Variants in ZNF519 observed in about 807,000 individuals in gnomAD.
The protein encoded by ZNF519 is zinc finger protein 519.
ZNF519 carries 7 observed loss-of-function variants against 7.4 expected under a neutral mutation model. The observed-to-expected ratio is 0.94, with a 90% CI of 0.54 to 1.77. The LOEUF is 1.77. Among genes scored for constraint, ZNF519 ranks in the 40% most tolerant of loss-of-function variants. The probability of loss-of-function intolerance (pLI) is 0.00; values close to 1 mark genes in which losing one functional copy is unlikely to be tolerated. For missense variants in ZNF519, 586 were observed against 623.1 expected, an observed-to-expected ratio of 0.94 and a Z score of 0.63; for synonymous variants, 179 against 203.3, an observed-to-expected ratio of 0.88 and a Z score of 1.02.
chr18:14,094,651 T>G (rs1211774071), intron 2 of ZNF519, among the ~76,000 whole-genome samples: 4 of 152,214 alleles, frequency 2.6e-5, no homozygotes, highest in Non-Finnish European at 5.9e-5. Flanking sequence ...TCGATAATCT[T>G]GTTAATGTGC....
chr18:14,123,606 C>T (rs1211963882), intron 2 of ZNF519, among the ~76,000 whole-genome samples: 1 of 152,118 alleles, frequency 6.6e-6, no homozygotes, highest in East Asian at 1.9e-4. Flanking sequence ...GTAGTCTCAG[C>T]TACCCGGGAG....
intron 2 of ZNF519, among the ~76,000 whole-genome samples, chr18:14,114,241 A>G (rs941906501): frequency 1.3e-5 from 2 of 152,122 alleles, no homozygotes; most frequent in African/African-American, 4.8e-5. Flanking sequence ...AGTTTCTACA[A>G]TGTTTTCTTA....
At chr18:14,111,169 TAA>T (rs34240654) in intron 2 of ZNF519, among the ~76,000 whole-genome samples, 11 of 90,806 alleles carry the variant, frequency 1.2e-4, no homozygotes, top group Admixed American at 2.3e-4. Flanking sequence ...AGTTGTTTTC[TAA>T]AAAAAAAAAA....
chr18:14,108,816 C>G (rs750531821), intron 2 of ZNF519, among the ~76,000 whole-genome samples: 2 of 152,104 alleles, frequency 1.3e-5, no homozygotes, highest in Admixed American at 1.3e-4. Flanking sequence ...GAGGGCTGGG[C>G]ACAGTGGCTC....
downstream of ZNF519, among the ~76,000 whole-genome samples, chr18:14,094,967 T>C (rs1262442124): frequency 6.6e-6 from 1 of 152,226 alleles, no homozygotes; most frequent in East Asian, 1.9e-4. Context: ...TGAAGTTCAC[T>C]GAGTTTCCTT....
In ZNF519 at chr18:14,124,435, TGGAGAGAATTC is replaced by T; in HGVS notation, c.34_44del (p.Glu12ArgfsTer15). 1 of 1,612,906 alleles carries T rather than the reference TGGAGAGAATTC, an allele frequency of 6.2e-7. No individual in the cohort carries two copies. The highest frequency in any genetic ancestry group is 8.5e-7 in the Non-Finnish European group (1 of 1,179,704). ...CAGGGTCTAGGCATTTCCACTCTTCTGGAGAGAATTCTATGGCCACATCCCTGAATGTTAAG... is the reference window on the plus strand; with the variant it reads ...CAGGGTCTAGGCATTTCCACTCTTCTTATGGCCACATCCCTGAATGTTAAG... On this transcript the variant is annotated frameshift_variant, in exon 2 of 3. Coordinates refer to ENST00000590202, the MANE Select transcript of ZNF519 (RefSeq NM_145287.4). LOFTEE classifies it high-confidence loss of function.
rs370939408 is a variant in ZNF519 at position 14,106,175 on chromosome 18, C to T, written c.365G>A (p.Arg122Lys). 132 of 1,612,562 alleles carry T rather than the reference C, an allele frequency of 8.2e-5. 2 individuals are homozygous for T. In the East Asian group the frequency reaches 2.4e-3, roughly 29 times the overall value. ...AAACTGAGGCTTCTTCTGAAATATT[C>T]TATATTCTTTGTCTCCTTTCACAGT... ...HLTVKGDKEY[R>K]IFQKKPQFLS... is the part of the protein sequence containing the mutation. The change falls in exon 3 of 3, where the codon AGA (arginine) becomes AAA (lysine). Residue 122 changes from arginine to lysine, a missense_variant. Coordinates refer to ENST00000590202, the MANE Select transcript of ZNF519 (RefSeq NM_145287.4).
chr18:14,101,556 A>G lies in ZNF519; in HGVS notation c.*3361T>C. On this transcript the variant is annotated 3_prime_UTR_variant, in exon 3 of 3. Transcript: ENST00000590202. ...GTCCCTTGGATTAAAACTGTGGGTC[A>G]CTCAATAGGGAAAGCCAAGGCACAA... 1 of 397,632 alleles carries G rather than the reference A, an allele frequency of 2.5e-6. No homozygotes were observed. Among genetic ancestry groups the G allele is most frequent in the Non-Finnish European group, 4.4e-6 (1 of 225,776 alleles). 24.6% of individuals were successfully genotyped at this position (397,632 alleles called of 1,614,324 possible). A position where few individuals can be genotyped will look rare whatever the true frequency, so the allele number is the denominator to read the frequency against.
Position 14,105,313 on chromosome 18 carries a change from A to T in ZNF519, c.1227T>A (p.Cys409Ter). 6.2e-7 allele frequency: 1 copy of T among 1,613,980 alleles called. No individual in the cohort carries two copies. Among genetic ancestry groups the T allele is most frequent in the Non-Finnish European group, 8.5e-7 (1 of 1,179,922 alleles). Reference sequence around the variant, plus strand: ...GTGAAGCTCTGTTAAAAGCTTTGCCACATTCCTTACACTTGAAAGGTTTCT... The same window carrying T: ...GTGAAGCTCTGTTAAAAGCTTTGCCTCATTCCTTACACTTGAAAGGTTTCT... ...TGEKPFKCKE[C>*]GKAFNRASHL... Residue 409 changes from cysteine (C) to a stop codon, truncating the protein, a stop_gained, in exon 3 of 3, where the codon TGT becomes TGA. Transcript: ENST00000590202. LOFTEE classifies it low-confidence loss of function (END_TRUNC).
At chr18:14,071,326 AG>A (rs1285479301), downstream of ZNF519, 3 of 152,178 alleles carry the variant, frequency 2.0e-5, no homozygotes, top group Non-Finnish European at 4.4e-5. Flanking sequence ...TTAATTACAG[AG>A]GGTTGTTCAA....
chr18:14,080,254 T>C (rs1339480819), intron 3 of ZNF519: 1 of 150,578 alleles, frequency 6.6e-6, no homozygotes, highest in African/African-American at 2.4e-5. Flanking sequence ...AGCGAAAGGA[T>C]CTCTCATTCA....
intron 2 of ZNF519, among the ~76,000 whole-genome samples, chr18:14,086,227 C>A (rs1441572477): frequency 6.6e-6 from 1 of 152,214 alleles, no homozygotes; most frequent in Non-Finnish European, 1.5e-5. Flanking sequence ...CCAGGCTGGT[C>A]CCTGTGGACA....
At chr18:14,128,017 C>A (rs979255465) in intron 1 of ZNF519, among the ~76,000 whole-genome samples, 2 of 151,854 alleles carry the variant, frequency 1.3e-5, no homozygotes, top group African/African-American at 4.8e-5. Context: ...CAGCCGGGCG[C>A]GGTGGCTTAC....
chr18:14,121,450 C>T (rs1187231802), intron 2 of ZNF519, among the ~76,000 whole-genome samples: 3 of 152,026 alleles, frequency 2.0e-5, no homozygotes, highest in East Asian at 3.8e-4. Context: ...TTACATTGTA[C>T]ACATTAAATA....
intron 2 of ZNF519, among the ~76,000 whole-genome samples, chr18:14,088,032 T>C (rs1240720031): frequency 6.6e-6 from 1 of 152,130 alleles, no homozygotes; most frequent in African/African-American, 2.4e-5. Flanking sequence ...ACCAATTAGA[T>C]GTCAGTGCTA....
At chr18:14,120,212 T>A (rs984252087) in intron 2 of ZNF519, among the ~76,000 whole-genome samples, 15 of 151,994 alleles carry the variant, frequency 9.9e-5, no homozygotes, top group Non-Finnish European at 2.9e-5. Context: ...CAAAAACCAA[T>A]GGAACATAAT....
intron 2 of ZNF519, among the ~76,000 whole-genome samples, chr18:14,118,472 T>C (rs748982692): frequency 1.3e-5 from 2 of 152,208 alleles, no homozygotes; most frequent in Non-Finnish European, 2.9e-5. Context: ...TGACAGTATA[T>C]GATTCCACTT....
At chr18:14,093,649 G>C (rs1352911493) in intron 2 of ZNF519, among the ~76,000 whole-genome samples, 1 of 152,184 alleles carries the variant, frequency 6.6e-6, no homozygotes. Flanking sequence ...AGTGGCTCCA[G>C]GGCTTCCAGG....
chr18:14,107,922 C>T (rs147754357), intron 2 of ZNF519, among the ~76,000 whole-genome samples: 31 of 152,124 alleles, frequency 2.0e-4, no homozygotes, highest in African/African-American at 7.2e-4. Context: ...CAACAGAAAA[C>T]GAAGTAGACT....
Sources: gnomAD v4.1 joint callset for allele counts (sites outside exome capture counted in the v4.1 genomes callset) on GRCh38, gnomAD v4.1.1 for gene constraint, MANE v1.5 for transcripts, NCBI Gene and HGNC (gene_info 2026-07-23, HGNC 2026-07-21) for gene names.